TMC1: variants seen among roughly 807,000 people sequenced by gnomAD.
The protein encoded by TMC1 is transmembrane channel like 1, also known as transmembrane channel-like protein 1.
In TMC1, 84 loss-of-function variants were observed where a neutral mutation model predicts 105.8. The ratio of observed to expected loss-of-function variants is 0.79; its 90% confidence interval spans 0.67 to 0.95. The LOEUF is 0.95. Among genes scored for constraint, TMC1 ranks in the 40% least tolerant of loss-of-function variants. TMC1 has a pLI of 0.00. For missense variants in TMC1, 817 were observed against 914.1 expected (o/e 0.89, Z 1.37); for synonymous variants, 315 against 311.5 (o/e 1.01, Z -0.12).
At chr9:72,659,432 CAAGA>C (rs1825934987) in intron 5 of TMC1, among the ~76,000 whole-genome samples, 4 of 152,102 alleles carry the variant, frequency 2.6e-5, no homozygotes, top group Admixed American at 6.5e-5. Context: ...GCCAGGATAT[CAAGA>C]CCAGCCTGGC....
At chr9:72,736,352 T>G (rs1827297402) in intron 8 of TMC1, among the ~76,000 whole-genome samples, 2 of 152,204 alleles carry the variant, frequency 1.3e-5, no homozygotes, top group Non-Finnish European at 2.9e-5. Context: ...TGATTTTAAT[T>G]TGACTGTTAC....
Position 72,615,179 on chromosome 9 carries a change from A to G in TMC1, c.-305-1189A>G, listed in dbSNP as rs776789157. ...TTCTAGTTAATATTTTTCATTTCCT[A>G]TGTGTCAGGCAATATACTAAACAAC... On this transcript the variant is annotated intron_variant, in intron 2 of 23. Coordinates refer to ENST00000297784, the MANE Select transcript of TMC1 (RefSeq NM_138691.3). Among the ~76,000 whole-genome samples, 6 of 152,298 alleles carry G rather than the reference A, an allele frequency of 3.9e-5. No individual in the cohort carries two copies. The South Asian group carries it at 6.2e-4, about 16-fold the overall frequency.
At chr9:72,676,503 C>T (rs1247978463) in intron 5 of TMC1, among the ~76,000 whole-genome samples, 5 of 152,142 alleles carry the variant, frequency 3.3e-5, no homozygotes, top group Admixed American at 1.3e-4. Flanking sequence ...TCACAGCAAC[C>T]GTACACAATA....
intron 19 of TMC1, among the ~76,000 whole-genome samples, chr9:72,820,588 T>A (rs1222825141): frequency 6.6e-6 from 1 of 151,838 alleles, no homozygotes; most frequent in Non-Finnish European, 1.5e-5. Context: ...ATAGTAGGTA[T>A]AGTTAGTTAC....
chr9:72,522,192 C>G (rs1823324268), intron 1 of TMC1, among the ~76,000 whole-genome samples: 2 of 148,984 alleles, frequency 1.3e-5, no homozygotes, highest in South Asian at 4.2e-4. Context: ...CTCTGTCTCC[C>G]AGGCTGGAGT....
intron 6 of TMC1, among the ~76,000 whole-genome samples, chr9:72,689,069 A>G (rs578261186): frequency 6.6e-6 from 1 of 152,272 alleles, no homozygotes; most frequent in South Asian, 2.1e-4. Flanking sequence ...TAGGATGAAG[A>G]CCCAAAGATA....
At chr9:72,555,031 A>G (rs905575635) in intron 1 of TMC1, among the ~76,000 whole-genome samples, 10 of 151,574 alleles carry the variant, frequency 6.6e-5, no homozygotes, top group East Asian at 1.9e-4. Flanking sequence ...GGCATGTGCC[A>G]CCATGCCTGG....
rs189532970 is a variant in TMC1 at position 72,836,304 on chromosome 9, A to T, written c.*331A>T. ...TACTGGTTTAGTTGGTGGGTTAATT[A>T]AAAAAAATTTGCTCATATGAACTTT... On this transcript the variant is annotated 3_prime_UTR_variant, in exon 24 of 24. Transcript: ENST00000297784. 2.1e-4 allele frequency: 61 copies of T among 293,312 alleles called. No homozygotes were observed. The highest frequency in any genetic ancestry group is 1.1e-3 in the African/African-American group (52 of 45,976). The allele number at this position is 293,312 out of a possible 1,614,324, so 18.2% of individuals were successfully genotyped here.
intron 4 of TMC1, among the ~76,000 whole-genome samples, chr9:72,641,321 G>A (rs1382198885): frequency 6.6e-6 from 1 of 152,054 alleles, no homozygotes; most frequent in African/African-American, 2.4e-5. Flanking sequence ...TTTAACTCCT[G>A]ACCTCAAGTG....
At chr9:72,652,246 A>G (rs138034189) in intron 5 of TMC1, among the ~76,000 whole-genome samples, 1 of 152,346 alleles carries the variant, frequency 6.6e-6, no homozygotes, top group African/African-American at 2.4e-5. Flanking sequence ...GGAAGGCAGC[A>G]GAAAGAGGTT....
intron 5 of TMC1, among the ~76,000 whole-genome samples, chr9:72,658,059 T>A (rs1825909724): frequency 6.6e-6 from 1 of 152,218 alleles, no homozygotes; most frequent in Non-Finnish European, 1.5e-5. Flanking sequence ...TATCCTCTTG[T>A]GTTTGAACAA....
intron 10 of TMC1, among the ~76,000 whole-genome samples, chr9:72,748,823 T>C (rs1274518251): frequency 6.6e-6 from 1 of 152,252 alleles, no homozygotes. Context: ...CTGTGTTTTC[T>C]CCTCTGCTAT....
intron 2 of TMC1, among the ~76,000 whole-genome samples, chr9:72,584,870 C>T (rs1426929370): frequency 1.2e-4 from 18 of 149,266 alleles, no homozygotes; most frequent in East Asian, 9.9e-4. Flanking sequence ...CTGCATCCTC[C>T]GCCGCCTGGG....
intron 2 of TMC1, among the ~76,000 whole-genome samples, chr9:72,585,805 G>A (rs1025789811): frequency 6.6e-6 from 1 of 152,196 alleles, no homozygotes; most frequent in African/African-American, 2.4e-5. Context: ...ATCATGATGT[G>A]TGTTGTGTAG....
At chr9:72,642,761 A>G (rs1006231540) in intron 4 of TMC1, among the ~76,000 whole-genome samples, 1 of 152,248 alleles carries the variant, frequency 6.6e-6, no homozygotes, top group Non-Finnish European at 1.5e-5. Context: ...TTGTTCAGAT[A>G]TAATTCAGAT....
At chr9:72,593,144 C>A (rs2132106937) in intron 2 of TMC1, among the ~76,000 whole-genome samples, 1 of 152,148 alleles carries the variant, frequency 6.6e-6, no homozygotes. Flanking sequence ...AGGAGAGAAA[C>A]CTTCAAGTCA....
chr9:72,563,197 G>T (rs1262526102), intron 1 of TMC1, among the ~76,000 whole-genome samples: 1 of 152,192 alleles, frequency 6.6e-6, no homozygotes, highest in Admixed American at 6.5e-5. Context: ...GTGGTGGATG[G>T]AGATGCAGGA....
intron 13 of TMC1, among the ~76,000 whole-genome samples, chr9:72,785,298 TTAAC>T (rs1169077336): frequency 4.3e-4 from 65 of 152,282 alleles, no homozygotes; most frequent in Non-Finnish European, 8.8e-5. Context: ...CTTTTCCACT[TTAAC>T]TAAATTTTAA....
intron 6 of TMC1, 73 bp from the exon 7 acceptor site, chr9:72,694,470 A>C (rs1409320013): frequency 1.7e-5 from 23 of 1,384,846 alleles, no homozygotes; most frequent in Middle Eastern, 1.9e-4. Context: ...TAGTTATTAA[A>C]AACTAAGAAT....
Sources: gnomAD v4.1 joint callset for allele counts (sites outside exome capture counted in the v4.1 genomes callset) on GRCh38, gnomAD v4.1.1 for gene constraint, MANE v1.5 for transcripts, NCBI Gene and HGNC (gene_info 2026-07-23, HGNC 2026-07-21) for gene names.